ARFGEF3: variants seen among roughly 807,000 people sequenced by gnomAD.
ARFGEF3 encodes the protein ARFGEF family member 3.
A neutral mutation model predicts 221.7 loss-of-function variants in ARFGEF3; 96 were observed. That is an observed-to-expected ratio of 0.43 (90% CI 0.37 to 0.51). The LOEUF is 0.51. Ranked by LOEUF, ARFGEF3 falls within the 20% of genes least tolerant of loss-of-function variation. The pLI is 0.00. For synonymous variants in ARFGEF3, 1,145 were observed against 1,126.8 expected (o/e 1.02, Z -0.32); for missense variants, 2,410 against 2,789.9 (o/e 0.86, Z 3.07).
At chr6:138,170,551 G>C in intron 1 of ARFGEF3, 111 bp from the exon 2 acceptor site, 1 of 651,290 alleles carries the variant, frequency 1.5e-6, no homozygotes, top group Non-Finnish European at 2.7e-6. Context: ...GAATTGACTA[G>C]TTTATAATTA....
intron 14 of ARFGEF3, among the ~76,000 whole-genome samples, chr6:138,285,462 A>AC (rs1350197861): frequency 6.6e-6 from 1 of 152,078 alleles, no homozygotes; most frequent in East Asian, 1.9e-4. Context: ...CTCAAAAAAA[A>AC]AAAAAAAAAA....
intron 14 of ARFGEF3, among the ~76,000 whole-genome samples, chr6:138,282,865 A>G (rs953159915): frequency 1.2e-4 from 18 of 152,192 alleles, no homozygotes; most frequent in Admixed American, 4.6e-4. Flanking sequence ...CCTGGCCAAC[A>G]TGGTGAAACC....
rs920721172 is a variant in ARFGEF3, at chr6:138,344,499, T to A, written c.*8013T>A. On this transcript the variant is annotated 3_prime_UTR_variant, in exon 34 of 34. Coordinates refer to ENST00000251691, the MANE Select transcript of ARFGEF3 (RefSeq NM_020340.5). ...AGGTCTCTGTAAGCAAGCTTGCAAG[T>A]GTATTTTGTGTACATTTTATCTGAG... The A allele has an allele frequency of 2.0e-5, 3 of 152,198 alleles. No individual in the cohort carries two copies. Among genetic ancestry groups the A allele is most frequent in the Non-Finnish European group, 4.4e-5 (3 of 68,022 alleles). The allele number at this position is 152,198 out of a possible 1,614,324, so 9.4% of individuals were successfully genotyped here. A position where few individuals can be genotyped will look rare whatever the true frequency, so the allele number is the denominator to read the frequency against.
chr6:138,274,857 C>T lies in ARFGEF3; in HGVS notation c.2129-3594C>T, dbSNP rs562792838. On this transcript the variant is annotated intron_variant, in intron 12 of 33. Transcript: ENST00000251691. ...GCATGGTGGCTCACACCTGTGATCC[C>T]AGCACTTTGGGAGGCTGAGGCGGGC... Among the ~76,000 whole-genome samples, 4 of 151,532 alleles carry T rather than the reference C, an allele frequency of 2.6e-5. No individual in the cohort carries two copies. In the East Asian group the frequency reaches 5.8e-4, roughly 22 times the overall value.
At chr6:138,273,858 G>A (rs1779047298) in intron 12 of ARFGEF3, among the ~76,000 whole-genome samples, 1 of 152,166 alleles carries the variant, frequency 6.6e-6, no homozygotes, top group Non-Finnish European at 1.5e-5. Flanking sequence ...ATCTGACATA[G>A]CAAGAAAATG....
chr6:138,224,335 A>C (rs1400357234), intron 4 of ARFGEF3, among the ~76,000 whole-genome samples: 1 of 152,198 alleles, frequency 6.6e-6, no homozygotes, highest in Non-Finnish European at 1.5e-5. Context: ...GTCCTGCCAG[A>C]TTAGTGTAAT....
chr6:138,338,167 T>G lies in ARFGEF3; in HGVS notation c.*1681T>G, dbSNP rs545657978. ...CAGTTTTTACTCACTAGACAATAAT[T>G]CAAGTTTAGAAACAGGTAATCAGCT... On this transcript the variant is annotated 3_prime_UTR_variant, in exon 34 of 34. Transcript: ENST00000251691. 1 of 152,354 alleles carries G rather than the reference T, an allele frequency of 6.6e-6. No individual in the cohort carries two copies. The highest frequency in any genetic ancestry group is 6.5e-5 in the Admixed American group (1 of 15,312). 9.4% of individuals were successfully genotyped at this position (152,354 alleles called of 1,614,324 possible).
chr6:138,299,959 C>CAA (rs926273123), intron 22 of ARFGEF3, among the ~76,000 whole-genome samples: 4 of 152,028 alleles, frequency 2.6e-5, no homozygotes, highest in Non-Finnish European at 4.4e-5. Context: ...CATACAGAAG[C>CAA]AACAAAACTC....
intron 2 of ARFGEF3, among the ~76,000 whole-genome samples, chr6:138,179,983 T>A (rs551024513): frequency 1.4e-4 from 22 of 152,314 alleles, no homozygotes; most frequent in South Asian, 4.1e-4. Context: ...TTAATTTTTT[T>A]AAAATTTTTT....
chr6:138,253,815 C>G, intron 8 of ARFGEF3, 65 bp from the exon 9 acceptor site: 2 of 1,295,272 alleles, frequency 1.5e-6, no homozygotes, highest in Non-Finnish European at 2.2e-6. Flanking sequence ...CGTGTTTCCA[C>G]ACATCACCTC....
intron 12 of ARFGEF3, among the ~76,000 whole-genome samples, chr6:138,275,139 T>TA (rs1446969532): frequency 2.6e-5 from 4 of 151,746 alleles, no homozygotes; most frequent in Non-Finnish European, 2.9e-5. Flanking sequence ...AAATAAATTT[T>TA]AAAAAATAAT....
At chr6:138,232,569 C>A (rs564906604) in intron 5 of ARFGEF3, among the ~76,000 whole-genome samples, 1 of 152,266 alleles carries the variant, frequency 6.6e-6, no homozygotes, top group East Asian at 1.9e-4. Context: ...CTTATGGAAA[C>A]TTCCAGTCTT....
At chr6:138,251,743 C>T (rs1778587332) in intron 8 of ARFGEF3, among the ~76,000 whole-genome samples, 2 of 151,996 alleles carry the variant, frequency 1.3e-5, no homozygotes, top group African/African-American at 4.8e-5. Context: ...CCACAGTCTC[C>T]TACTTGAACT....
chr6:138,280,300 A>AC, intron 14 of ARFGEF3, 136 bp downstream of exon 14: 1 of 809,024 alleles, frequency 1.2e-6, no homozygotes, highest in Non-Finnish European at 2.0e-6. Flanking sequence ...GGCAATGGTG[A>AC]CAGTTCCAGG....
At position 138,334,649 on chromosome 6, in the gene ARFGEF3, G is replaced by T. The variant is rs771537463; in HGVS notation, c.5803G>T (p.Asp1935Tyr). The T allele has an allele frequency of 1.2e-6, 2 of 1,613,338 alleles. No individual in the cohort carries two copies. The highest frequency in any genetic ancestry group is 8.5e-7 in the Non-Finnish European group (1 of 1,179,750). The change falls in exon 33 of 34, where the codon GAC (aspartate) becomes TAC (tyrosine). Residue 1935 changes from aspartate (D) to tyrosine (Y), a missense_variant. Physicochemically the swap from Asp to Tyr is radical, Grantham distance 160. Coordinates refer to ENST00000251691, the MANE Select transcript of ARFGEF3 (RefSeq NM_020340.5). This position sits in a 1 kb window ranked among gnomAD's most constrained non-coding sequence, Gnocchi z 5.1. ...CMEEPPIFKG[D>Y]PFFILPSFQS... ...GGAGGAGCCTCCCATCTTCAAGGGC[G>T]ACCCGTTCTTCATCCTGCCCTCCTT... is the stretch of plus-strand genomic sequence containing the variant.
intron 12 of ARFGEF3, among the ~76,000 whole-genome samples, chr6:138,270,813 G>A (rs937448023): frequency 6.6e-6 from 1 of 152,172 alleles, no homozygotes; most frequent in Non-Finnish European, 1.5e-5. Context: ...GCCTATGGGT[G>A]GGAAGAGGCG....
chr6:138,256,878 A>C (rs1778693257), intron 10 of ARFGEF3, among the ~76,000 whole-genome samples: 1 of 151,938 alleles, frequency 6.6e-6, no homozygotes. Flanking sequence ...TGGACCTCCT[A>C]TGTTCAAGTG....
intron 1 of ARFGEF3, among the ~76,000 whole-genome samples, chr6:138,165,061 G>A (rs1010432146): frequency 6.6e-6 from 1 of 150,436 alleles, no homozygotes; most frequent in Non-Finnish European, 1.5e-5. Flanking sequence ...AGACCCTCAT[G>A]GGAGAGAGGA....
At chr6:138,163,213 A>G (rs561879963) in intron 1 of ARFGEF3, among the ~76,000 whole-genome samples, 1 of 152,196 alleles carries the variant, frequency 6.6e-6, no homozygotes, top group Non-Finnish European at 1.5e-5. Flanking sequence ...CTTAATTCAC[A>G]TATGTTTGGG....
Sources: gnomAD v4.1 joint callset for allele counts (sites outside exome capture counted in the v4.1 genomes callset) on GRCh38, gnomAD v4.1.1 for gene constraint, Gnocchi (gnomAD v3.1) non-coding constraint, MANE v1.5 for transcripts, NCBI Gene and HGNC (gene_info 2026-07-23, HGNC 2026-07-21) for gene names.